The following FGGY variants were observed in gnomAD, a reference collection of about 807,000 sequenced individuals.
FGGY encodes FGGY carbohydrate kinase domain-containing protein.
In FGGY, 72 loss-of-function variants were observed where a neutral mutation model predicts 71.3. The observed-to-expected ratio is 1.01, with a 90% confidence interval of 0.84 to 1.23. FGGY has a LOEUF of 1.23. Among genes scored for constraint, FGGY ranks in the 50% most tolerant of loss-of-function variants. FGGY has a pLI of 0.00. For synonymous variants in FGGY, 251 were observed against 250.3 expected (o/e 1.00, Z -0.02); for missense variants, 668 against 682.3 (o/e 0.98, Z 0.23).
intron 8 of FGGY, among the ~76,000 whole-genome samples, chr1:59,595,226 A>G (rs1309822038): frequency 1.3e-5 from 2 of 152,188 alleles, no homozygotes; most frequent in African/African-American, 4.8e-5. Context: ...AAAATTATAG[A>G]TAAGAATATG....
Position 59,480,346 on chromosome 1 carries a change from C to G in FGGY, c.670+23270C>G, listed in dbSNP as rs116793771. Among the ~76,000 whole-genome samples the G allele has an allele frequency of 3.8e-3, 572 of 152,296 alleles. 3 individuals carry two copies. The highest frequency in any genetic ancestry group is 0.012 in the African/African-American group (510 of 41,554). On this transcript the variant is annotated intron_variant, in intron 6 of 15. Transcript: ENST00000303721. ...TCTGCACACGACACCCTTCTCACCG[C>G]AAGATCTGCTCTCATGGTCTTGTTT...
At chr1:59,456,574 G>C (rs540175561) in intron 5 of FGGY, among the ~76,000 whole-genome samples, 1 of 151,412 alleles carries the variant, frequency 6.6e-6, no homozygotes, top group East Asian at 2.0e-4. Flanking sequence ...TCAGCCTCCC[G>C]AGTAGCTGGG....
intron 9 of FGGY, among the ~76,000 whole-genome samples, chr1:59,609,955 T>G (rs1017683258): frequency 5.3e-5 from 8 of 152,246 alleles, no homozygotes; most frequent in African/African-American, 1.7e-4. Flanking sequence ...TTGATTGGTC[T>G]CAGTAACCAG....
intron 11 of FGGY, among the ~76,000 whole-genome samples, chr1:59,646,113 C>G (rs2097091600): frequency 6.6e-6 from 1 of 152,202 alleles, no homozygotes. Context: ...GAGTCAGCAA[C>G]TCAGGGTATC....
At chr1:59,748,490 C>A (rs1254915175) in intron 14 of FGGY, among the ~76,000 whole-genome samples, 2 of 152,076 alleles carry the variant, frequency 1.3e-5, no homozygotes, top group Non-Finnish European at 2.9e-5. Context: ...AGGCCTTAGG[C>A]AGGAGGAAGG....
intron 4 of FGGY, among the ~76,000 whole-genome samples, chr1:59,375,729 T>G (rs2153310816): frequency 6.6e-6 from 1 of 152,256 alleles, no homozygotes; most frequent in Non-Finnish European, 1.5e-5. Flanking sequence ...TTGCTCCTCC[T>G]ATTCCCAGTG....
At position 59,534,839 on chromosome 1, in the gene FGGY, C is replaced by G. The variant is rs543029311; in HGVS notation, c.800-19285C>G. Among the ~76,000 whole-genome samples, 616 of 152,136 alleles carry G rather than the reference C, an allele frequency of 4.0e-3. 5 individuals carry two copies. Among genetic ancestry groups the G allele is most frequent in the Middle Eastern group, 0.01 (3 of 294 alleles). On this transcript the variant is annotated intron_variant, in intron 7 of 15. Transcript: ENST00000303721. Reference sequence around the variant, plus strand: ...AAGAGCTCTTGAAGGAAGTGCTAAACATGGAAAGGAAAAACCAGTACCAGC... The same window carrying G: ...AAGAGCTCTTGAAGGAAGTGCTAAAGATGGAAAGGAAAAACCAGTACCAGC...
chr1:59,761,934 G>A (rs1251658653), intron 15 of FGGY, among the ~76,000 whole-genome samples: 1 of 152,216 alleles, frequency 6.6e-6, no homozygotes, highest in East Asian at 1.9e-4. Flanking sequence ...AGCTGGCAAT[G>A]TGAAAGAGTC....
chr1:59,660,636 T>C (rs1211865722), intron 12 of FGGY, among the ~76,000 whole-genome samples: 1 of 152,248 alleles, frequency 6.6e-6, no homozygotes, highest in Non-Finnish European at 1.5e-5. Flanking sequence ...GTCTGATTTA[T>C]AAAATACATT....
intron 2 of FGGY, among the ~76,000 whole-genome samples, chr1:59,329,629 A>G (rs1259723023): frequency 6.6e-6 from 1 of 152,126 alleles, no homozygotes; most frequent in African/African-American, 2.4e-5. Context: ...TCCTTCTGTC[A>G]TGTCCTCAAA....
intron 14 of FGGY, among the ~76,000 whole-genome samples, chr1:59,736,490 C>A (rs1413530155): frequency 6.6e-6 from 1 of 152,062 alleles, no homozygotes; most frequent in African/African-American, 2.4e-5. Context: ...AAAGTCCAAG[C>A]TGAAGTGGTC....
chr1:59,364,256 C>T lies in FGGY; in HGVS notation c.466-14493C>T, dbSNP rs74697132. ...GCTGCACTGACCTGGGAGTCCAAGC[C>T]AGGAAGTGAATGAATCCATTTTCCA... On this transcript the variant is annotated intron_variant, in intron 4 of 15. Transcript: ENST00000303721. Among the ~76,000 whole-genome samples the T allele has an allele frequency of 4.2e-3, 632 of 152,258 alleles. 17 individuals are homozygous for T. In the East Asian group the frequency reaches 0.069, roughly 17 times the overall value.
intron 1 of FGGY, among the ~76,000 whole-genome samples, chr1:59,309,627 A>G (rs951368949): frequency 6.6e-6 from 1 of 152,180 alleles, no homozygotes; most frequent in Non-Finnish European, 1.5e-5. Flanking sequence ...GGTCAAGTCT[A>G]ATGTTTAATC....
intron 8 of FGGY, among the ~76,000 whole-genome samples, chr1:59,595,342 G>A (rs1010942175): frequency 6.6e-6 from 1 of 151,700 alleles, no homozygotes; most frequent in African/African-American, 2.4e-5. Flanking sequence ...GACAGTAAGA[G>A]CAATTATAAT....
intron 8 of FGGY, among the ~76,000 whole-genome samples, chr1:59,556,483 A>C (rs2095687964): frequency 1.3e-5 from 2 of 152,220 alleles, no homozygotes; most frequent in Non-Finnish European, 2.9e-5. Flanking sequence ...TCTTGAGCTA[A>C]GAACTGAAAT....
chr1:59,437,409 G>A (rs1325830925), intron 5 of FGGY, among the ~76,000 whole-genome samples: 7 of 152,238 alleles, frequency 4.6e-5, no homozygotes, highest in Admixed American at 2.0e-4. Context: ...CACGCAGTCT[G>A]CACCCCTTTA....
At chr1:59,421,524 T>C (rs529420972) in intron 5 of FGGY, among the ~76,000 whole-genome samples, 4 of 142,888 alleles carry the variant, frequency 2.8e-5, no homozygotes, top group African/African-American at 1.1e-4. Context: ...TCTCCTTTTC[T>C]CCTTCCCTCA....
At chr1:59,303,027 G>A (rs1375379300) in intron 1 of FGGY, among the ~76,000 whole-genome samples, 1 of 151,836 alleles carries the variant, frequency 6.6e-6, no homozygotes, top group Non-Finnish European at 1.5e-5. Flanking sequence ...AGTAAAAATT[G>A]TACATGCTCA....
intron 6 of FGGY, among the ~76,000 whole-genome samples, chr1:59,461,950 A>ATATC (rs1027662099): frequency 1.3e-5 from 2 of 151,900 alleles, no homozygotes; most frequent in Non-Finnish European, 2.9e-5. Flanking sequence ...AGCATTAGGT[A>ATATC]TATCTCCTAA....
Sources: allele counts gnomAD v4.1 joint callset (sites outside exome capture counted in the v4.1 genomes callset), GRCh38; gene constraint gnomAD v4.1.1; transcripts MANE v1.5; gene names NCBI Gene and HGNC (gene_info 2026-07-23, HGNC 2026-07-21).